Variants in SOX5 observed in about 807,000 individuals in gnomAD.
SOX5 encodes the protein transcription factor SOX-5.
A neutral mutation model predicts 92.0 loss-of-function variants in SOX5; 9 were observed. That is an observed-to-expected ratio of 0.10 (90% confidence interval 0.06 to 0.17). The LOEUF is 0.17. Among genes scored for constraint, SOX5 ranks in the 10% least tolerant of loss-of-function variants. The pLI is 1.00. For missense variants in SOX5, 642 were observed against 944.5 expected, an observed-to-expected ratio of 0.68 and a Z score of 4.20; for synonymous variants, 344 against 336.3, an observed-to-expected ratio of 1.02 and a Z score of -0.25.
chr12:23,702,364 A>G (rs1309111795), intron 6 of SOX5, among the ~76,000 whole-genome samples: 1 of 152,068 alleles, frequency 6.6e-6, no homozygotes, highest in Non-Finnish European at 1.5e-5. Flanking sequence ...ATTATCAGCT[A>G]AAAGGTCAAA....
rs75510664 is a variant in SOX5 at position 24,367,659 on chromosome 12, C to T, written c.-174+904G>A. Among the ~76,000 whole-genome samples the T allele has an allele frequency of 5.1e-3, 772 of 152,144 alleles. 2 individuals carry two copies. Among genetic ancestry groups the T allele is most frequent in the Non-Finnish European group, 8.8e-3 (597 of 67,932 alleles). On this transcript the variant is annotated intron_variant, in intron 2 of 4. Coordinates refer to the SOX5 transcript ENST00000446891. Reference sequence around the variant, plus strand: ...TTTTTAAAAATTAAAATCATATTGCCAAGAAAAGAGACATGTTCTTTCCTG... The same window carrying T: ...TTTTTAAAAATTAAAATCATATTGCTAAGAAAAGAGACATGTTCTTTCCTG...
intron 4 of SOX5, among the ~76,000 whole-genome samples, chr12:23,746,887 C>T (rs1017907559): frequency 2.3e-4 from 35 of 151,994 alleles, no homozygotes; most frequent in African/African-American, 7.0e-4. Context: ...GTGCTATTCT[C>T]GTGATAGTGA....
At chr12:23,763,854 T>C (rs561577194) in intron 3 of SOX5, among the ~76,000 whole-genome samples, 2 of 152,250 alleles carry the variant, frequency 1.3e-5, no homozygotes, top group African/African-American at 4.8e-5. Flanking sequence ...AGCCCTGTCC[T>C]TTATCATGGC....
intron 8 of SOX5, among the ~76,000 whole-genome samples, chr12:23,639,673 C>T (rs772425899): frequency 3.0e-4 from 45 of 152,168 alleles, no homozygotes; most frequent in Admixed American, 9.2e-4. Context: ...TAGCTGTTCA[C>T]AGAAAAGGAA....
chr12:24,018,318 A>T (rs1237497764), intron 4 of SOX5, among the ~76,000 whole-genome samples: 1 of 152,148 alleles, frequency 6.6e-6, no homozygotes, highest in Non-Finnish European at 1.5e-5. Context: ...TTTTCTACGT[A>T]TTTATCCATA....
intron 3 of SOX5, among the ~76,000 whole-genome samples, chr12:24,261,698 C>A (rs1942117841): frequency 6.6e-6 from 1 of 152,188 alleles, no homozygotes; most frequent in African/African-American, 2.4e-5. Flanking sequence ...TATTTCTGAG[C>A]CAAACTGAAC....
rs1491316949 is a variant in SOX5 at position 24,296,817 on chromosome 12, TTA to T, written c.-173-19507_-173-19506del. Among the ~76,000 whole-genome samples, 7 of 54,192 alleles carry T rather than the reference TTA, an allele frequency of 1.3e-4. No homozygotes were observed. The East Asian group carries it at 0.011, about 82-fold the overall frequency. The allele number at this position is 54,192 out of a possible 152,430, so 35.6% of individuals were successfully genotyped here. On this transcript the variant is annotated intron_variant, in intron 2 of 4. Coordinates refer to the SOX5 transcript ENST00000446891. ...TCTGTAATCGGCAGATACATTGTTC[TTA>T]AAAAAAAAAAAAAAAAGTAGTTTGA...
intron 3 of SOX5, among the ~76,000 whole-genome samples, chr12:24,248,117 G>A (rs1420152212): frequency 1.3e-5 from 2 of 152,188 alleles, no homozygotes; most frequent in Admixed American, 6.5e-5. Flanking sequence ...TGATTGAGAA[G>A]GTTCTGGATT....
chr12:23,551,915 C>G (rs538215689), intron 11 of SOX5, among the ~76,000 whole-genome samples: 161 of 151,812 alleles, frequency 1.1e-3, no homozygotes, highest in Middle Eastern at 0.01. Flanking sequence ...GACTCAACTT[C>G]TTAGTAGGTT....
intron 2 of SOX5, among the ~76,000 whole-genome samples, chr12:24,332,296 G>C (rs1029831116): frequency 2.6e-5 from 4 of 152,176 alleles, no homozygotes; most frequent in Non-Finnish European, 5.9e-5. Context: ...TATGCTAGAA[G>C]TCAGCAGAAC....
intron 1 of SOX5, among the ~76,000 whole-genome samples, chr12:24,419,284 C>T (rs1026519872): frequency 1.9e-4 from 29 of 152,106 alleles, no homozygotes; most frequent in African/African-American, 6.8e-4. Context: ...ATTACAGGTG[C>T]ACACCACCAT....
chr12:23,978,974 A>T (rs1254489790), intron 4 of SOX5, among the ~76,000 whole-genome samples: 1 of 152,150 alleles, frequency 6.6e-6, no homozygotes. Context: ...CTGAACTTAA[A>T]TATTATACTT....
At chr12:23,616,995 G>C (rs919331852) in intron 8 of SOX5, among the ~76,000 whole-genome samples, 1 of 151,956 alleles carries the variant, frequency 6.6e-6, no homozygotes, top group Non-Finnish European at 1.5e-5. Flanking sequence ...TGGGCATAAT[G>C]GCATGTGCAG....
chr12:24,370,147 G>T (rs1402494006), intron 1 of SOX5, among the ~76,000 whole-genome samples: 4 of 152,068 alleles, frequency 2.6e-5, no homozygotes, highest in Non-Finnish European at 5.9e-5. Flanking sequence ...ATCTGTCAAG[G>T]TCAGATGTTA....
At chr12:24,443,316 C>T (rs750634202) in intron 1 of SOX5, among the ~76,000 whole-genome samples, 3 of 152,118 alleles carry the variant, frequency 2.0e-5, no homozygotes, top group Non-Finnish European at 4.4e-5. Flanking sequence ...ATAGGACAGG[C>T]CCCAGAAGTA....
intron 2 of SOX5, among the ~76,000 whole-genome samples, chr12:24,296,260 G>C (rs905710036): frequency 6.6e-6 from 1 of 152,166 alleles, no homozygotes; most frequent in East Asian, 1.9e-4. Flanking sequence ...CATTTCTCAT[G>C]AATGTTTCAG....
intron 3 of SOX5, among the ~76,000 whole-genome samples, chr12:24,242,480 G>T (rs1346719533): frequency 6.6e-6 from 1 of 152,072 alleles, no homozygotes; most frequent in African/African-American, 2.4e-5. Flanking sequence ...GAAAACACTG[G>T]AAGATAAGAA....
chr12:24,547,215 C>T (rs1952714194), intron 1 of SOX5, among the ~76,000 whole-genome samples: 1 of 138,510 alleles, frequency 7.2e-6, no homozygotes, highest in African/African-American at 2.7e-5. Flanking sequence ...GACGGAGTCT[C>T]GCTCTGTCGC....
intron 4 of SOX5, among the ~76,000 whole-genome samples, chr12:23,742,161 T>C (rs533002337): frequency 1.2e-4 from 18 of 152,336 alleles, no homozygotes; most frequent in African/African-American, 4.1e-4. Context: ...TTAACCCCAG[T>C]GCATTTCTCC....
Sources: allele counts gnomAD v4.1 joint callset (sites outside exome capture counted in the v4.1 genomes callset), GRCh38; gene constraint gnomAD v4.1.1; transcripts MANE v1.5; gene names NCBI Gene and HGNC (gene_info 2026-07-23, HGNC 2026-07-21).